The following CCSER1 variants were observed in gnomAD, a reference collection of about 807,000 sequenced individuals.
The protein encoded by CCSER1 is coiled-coil serine rich protein 1, also known as serine-rich coiled-coil domain-containing protein 1.
Under a neutral mutation model 82.0 loss-of-function variants are expected in CCSER1, and 41 were observed. That is an observed-to-expected ratio of 0.50 (90% CI 0.39 to 0.65). The LOEUF (loss-of-function observed/expected upper bound fraction) is 0.65. Ranked by LOEUF, CCSER1 falls within the 30% of genes least tolerant of loss-of-function variation. The pLI is 0.00. For synonymous variants in CCSER1, 414 were observed against 383.9 expected, an observed-to-expected ratio of 1.08 and a Z score of -0.92; for missense variants, 1,119 against 1,064.2, an observed-to-expected ratio of 1.05 and a Z score of -0.72.
At chr4:90,628,374 CAT>C in intron 6 of CCSER1, 142 bp downstream of exon 6, 2 of 632,052 alleles carry the variant, frequency 3.2e-6, no homozygotes, top group South Asian at 4.1e-5. Context: ...TAGCTATTTT[CAT>C]ATGTCAAATG....
chr4:91,152,151 G>T (rs1321194402), intron 10 of CCSER1, among the ~76,000 whole-genome samples: 1 of 152,040 alleles, frequency 6.6e-6, no homozygotes, highest in African/African-American at 2.4e-5. Context: ...TATGAATCTG[G>T]GTGCTCCTGT....
intron 10 of CCSER1, among the ~76,000 whole-genome samples, chr4:91,483,656 G>A (rs1042341733): frequency 1.3e-5 from 2 of 151,894 alleles, no homozygotes; most frequent in African/African-American, 2.4e-5. Context: ...GGCTGGTCTC[G>A]AACTCCTGAC....
intron 10 of CCSER1, among the ~76,000 whole-genome samples, chr4:91,127,518 T>C (rs541218328): frequency 6.6e-6 from 1 of 152,224 alleles, no homozygotes; most frequent in Non-Finnish European, 1.5e-5. Flanking sequence ...ATTTGCAGTA[T>C]GGTAATTTTT....
At chr4:91,070,902 C>G (rs1423002392) in intron 9 of CCSER1, among the ~76,000 whole-genome samples, 1 of 152,062 alleles carries the variant, frequency 6.6e-6, no homozygotes, top group East Asian at 1.9e-4. Flanking sequence ...TGATGGCACA[C>G]TCTCTGTGGT....
intron 3 of CCSER1, among the ~76,000 whole-genome samples, chr4:90,345,832 C>A (rs1742224603): frequency 6.6e-6 from 1 of 152,054 alleles, no homozygotes; most frequent in Non-Finnish European, 1.5e-5. Context: ...AAACAGAAAT[C>A]TTATGTAATC....
At chr4:91,169,865 G>C (rs1237229579) in intron 10 of CCSER1, among the ~76,000 whole-genome samples, 1 of 152,046 alleles carries the variant, frequency 6.6e-6, no homozygotes, top group Non-Finnish European at 1.5e-5. Context: ...TTGCATGATA[G>C]AATTCAATTG....
At chr4:90,411,875 A>G (rs1009483544) in intron 4 of CCSER1, among the ~76,000 whole-genome samples, 9 of 152,146 alleles carry the variant, frequency 5.9e-5, no homozygotes, top group Non-Finnish European at 1.0e-4. Flanking sequence ...AGAAAACCCC[A>G]TTGTCTCAGC....
At chr4:90,761,026 A>T (rs537058154) in intron 7 of CCSER1, among the ~76,000 whole-genome samples, 4 of 152,260 alleles carry the variant, frequency 2.6e-5, no homozygotes, top group Admixed American at 1.3e-4. Context: ...AATTAGCTGG[A>T]TAAATGTGAA....
intron 7 of CCSER1, among the ~76,000 whole-genome samples, chr4:90,809,682 AAAT>A (rs1304856777): frequency 2.6e-5 from 4 of 152,012 alleles, no homozygotes; most frequent in South Asian, 4.1e-4. Context: ...AAAGCTATAG[AAAT>A]AATAATAACA....
intron 9 of CCSER1, among the ~76,000 whole-genome samples, chr4:90,990,873 T>C (rs1019789558): frequency 1.3e-5 from 2 of 151,968 alleles, no homozygotes; most frequent in African/African-American, 2.4e-5. Flanking sequence ...AGTCTGAGAC[T>C]AGGAAGTGGC....
At chr4:90,461,776 G>T (rs1253099151) in intron 4 of CCSER1, among the ~76,000 whole-genome samples, 1 of 152,112 alleles carries the variant, frequency 6.6e-6, no homozygotes, top group African/African-American at 2.4e-5. Context: ...GAGTGAACAA[G>T]ACTGCAACAG....
chr4:90,544,407 T>C (rs1468251104), intron 5 of CCSER1, among the ~76,000 whole-genome samples: 1 of 152,162 alleles, frequency 6.6e-6, no homozygotes, highest in Admixed American at 6.5e-5. Context: ...AAGGAAGAGA[T>C]GCATGTGGCA....
intron 10 of CCSER1, among the ~76,000 whole-genome samples, chr4:91,333,675 A>C (rs1200253529): frequency 6.6e-6 from 1 of 152,220 alleles, no homozygotes; most frequent in South Asian, 2.1e-4. Flanking sequence ...GACCATGTAA[A>C]CAATACATAA....
chr4:90,391,831 T>C (rs967037239), intron 3 of CCSER1, among the ~76,000 whole-genome samples: 5 of 151,970 alleles, frequency 3.3e-5, no homozygotes, highest in African/African-American at 4.8e-5. Context: ...TTTTTTTATA[T>C]GTGAAAGTTT....
chr4:90,335,140 A>G (rs1740144085), intron 3 of CCSER1, among the ~76,000 whole-genome samples: 2 of 152,188 alleles, frequency 1.3e-5, no homozygotes, highest in Admixed American at 1.3e-4. Flanking sequence ...ATTTTTTCTA[A>G]AAGACACTGG....
intron 6 of CCSER1, among the ~76,000 whole-genome samples, chr4:90,637,605 C>T (rs1299186261): frequency 6.6e-6 from 1 of 152,122 alleles, no homozygotes; most frequent in Non-Finnish European, 1.5e-5. Context: ...AGCATCAATT[C>T]AAAGTGCAGA....
intron 8 of CCSER1, among the ~76,000 whole-genome samples, chr4:90,920,668 C>T (rs941640037): frequency 3.3e-5 from 5 of 151,824 alleles, no homozygotes; most frequent in Admixed American, 2.0e-4. Context: ...TCCATACACA[C>T]ACACCTCGGG....
chr4:91,557,925 T>C (rs1762478150), intron 10 of CCSER1, among the ~76,000 whole-genome samples: 1 of 151,314 alleles, frequency 6.6e-6, no homozygotes, highest in South Asian at 2.1e-4. Flanking sequence ...TATTTATTTA[T>C]ACTAAATCAT....
intron 5 of CCSER1, among the ~76,000 whole-genome samples, chr4:90,607,606 A>G (rs974089940): frequency 2.0e-5 from 3 of 152,026 alleles, no homozygotes; most frequent in Non-Finnish European, 2.9e-5. Context: ...TGTTTATCCA[A>G]ATTTTCCCTT....
Sources: gnomAD v4.1 joint callset for allele counts (sites outside exome capture counted in the v4.1 genomes callset) on GRCh38, gnomAD v4.1.1 for gene constraint, MANE v1.5 for transcripts, NCBI Gene and HGNC (gene_info 2026-07-23, HGNC 2026-07-21) for gene names.